The following PACS1 variants were observed in gnomAD, a reference collection of about 807,000 sequenced individuals.
PACS1 encodes the protein PACS-1.
In PACS1, 24 loss-of-function variants were observed where a neutral mutation model predicts 115.0. That is an observed-to-expected ratio of 0.21 (90% CI 0.15 to 0.29). The LOEUF is 0.29. PACS1 is among the 10% of genes least tolerant of loss of function. The pLI is 1.00. For missense variants in PACS1, 838 were observed against 1,251.2 expected (o/e 0.67, Z 4.98); for synonymous variants, 453 against 504.5 (o/e 0.90, Z 1.37).
intron 1 of PACS1, among the ~76,000 whole-genome samples, chr11:66,117,201 C>T (rs1260383230): frequency 6.6e-6 from 1 of 152,128 alleles, no homozygotes; most frequent in Non-Finnish European, 1.5e-5. Flanking sequence ...TGGTTCACAC[C>T]TGTAATCCCA....
intron 1 of PACS1, among the ~76,000 whole-genome samples, chr11:66,096,529 G>T: frequency 1.4e-5 from 2 of 145,862 alleles, no homozygotes; most frequent in Non-Finnish European, 1.5e-5. Context: ...TGAGACGGGA[G>T]TTTCACTCTT....
At chr11:66,129,455 ATAT>A (rs71455707) in intron 1 of PACS1, among the ~76,000 whole-genome samples, 30,386 of 140,140 alleles carry the variant, frequency 0.22, 3,404 homozygotes, top group Middle Eastern at 0.28. Flanking sequence ...GGTTTAAAAA[ATAT>A]TATTATTATT....
chr11:66,226,879 G>A (rs565667732), intron 10 of PACS1, among the ~76,000 whole-genome samples: 1 of 152,258 alleles, frequency 6.6e-6, no homozygotes, highest in South Asian at 2.1e-4. Flanking sequence ...TAACAAATAC[G>A]AAAATCTGGT....
intron 1 of PACS1, among the ~76,000 whole-genome samples, chr11:66,107,197 G>C (rs1858067080): frequency 6.6e-6 from 1 of 152,126 alleles, no homozygotes. Flanking sequence ...TCACTCCCTT[G>C]CAGCCACGCA....
intron 1 of PACS1, among the ~76,000 whole-genome samples, chr11:66,151,340 G>A (rs1859233220): frequency 6.6e-6 from 1 of 151,944 alleles, no homozygotes; most frequent in South Asian, 2.1e-4. Context: ...TACTGGCTTG[G>A]GGTTCAGAGG....
chr11:66,191,448 G>C (rs1179376499), intron 1 of PACS1, among the ~76,000 whole-genome samples: 1 of 152,116 alleles, frequency 6.6e-6, no homozygotes, highest in Admixed American at 6.6e-5. Flanking sequence ...CTGGGTATTT[G>C]GTCCACCACA....
At chr11:66,210,215 G>A (rs570474051) in intron 2 of PACS1, 147 bp from the exon 3 acceptor site, 5 of 581,550 alleles carry the variant, frequency 8.6e-6, no homozygotes, top group African/African-American at 3.8e-5. Context: ...TTTATTTTTT[G>A]TAGAAACAGG....
chr11:66,080,630 G>A (rs199975089), intron 1 of PACS1, among the ~76,000 whole-genome samples: 4 of 152,142 alleles, frequency 2.6e-5, no homozygotes, highest in South Asian at 4.1e-4. Context: ...AAAAGTGGGC[G>A]GGGCTGGAAT....
intron 9 of PACS1, 109 bp downstream of exon 9, chr11:66,220,900 A>T: frequency 8.0e-7 from 1 of 1,246,008 alleles, no homozygotes; most frequent in Admixed American, 2.3e-5. Flanking sequence ...TTGGTCCTTC[A>T]TCCTTTCTGA....
chr11:66,175,652 T>C (rs1322758290), intron 1 of PACS1, among the ~76,000 whole-genome samples: 2 of 152,158 alleles, frequency 1.3e-5, no homozygotes, highest in Non-Finnish European at 2.9e-5. Context: ...GGACATGGAG[T>C]GTGCTTATCG....
chr11:66,217,858 A>G, intron 7 of PACS1: 1 of 282,954 alleles, frequency 3.5e-6, no homozygotes, highest in Non-Finnish European at 7.0e-6. Context: ...CTCTGTAACC[A>G]GAAAGCGGCC....
intron 1 of PACS1, among the ~76,000 whole-genome samples, chr11:66,184,586 A>T (rs1229316103): frequency 6.6e-6 from 1 of 152,226 alleles, no homozygotes; most frequent in Non-Finnish European, 1.5e-5. Context: ...TTATTCTTTC[A>T]GACTTAGTCT....
chr11:66,120,724 T>C (rs1565114394), intron 1 of PACS1, among the ~76,000 whole-genome samples: 1 of 152,186 alleles, frequency 6.6e-6, no homozygotes, highest in African/African-American at 2.4e-5. Flanking sequence ...GCTGTGAAGA[T>C]TAAATGAAAT....
chr11:66,131,788 G>C (rs140716328), intron 1 of PACS1, among the ~76,000 whole-genome samples: 1 of 151,956 alleles, frequency 6.6e-6, no homozygotes, highest in African/African-American at 2.4e-5. Flanking sequence ...GCATTATCCT[G>C]TATTTTCTTC....
At chr11:66,090,238 C>CTTTCT (rs1857636712) in intron 1 of PACS1, among the ~76,000 whole-genome samples, 1 of 138,274 alleles carries the variant, frequency 7.2e-6, no homozygotes, top group Non-Finnish European at 1.6e-5. Flanking sequence ...TTCTTCTTTT[C>CTTTCT]TTTCTCTTCT....
intron 1 of PACS1, among the ~76,000 whole-genome samples, chr11:66,152,612 CAGAT>C (rs1205400320): frequency 2.0e-5 from 3 of 152,152 alleles, no homozygotes; most frequent in Non-Finnish European, 4.4e-5. Context: ...ATCTTAAAAG[CAGAT>C]AGAGATCCTT....
Position 66,236,541 on chromosome 11 carries a change from A to T in PACS1, c.2250+601A>T, listed in dbSNP as rs929622443. On this transcript the variant is annotated intron_variant, in intron 19 of 23. Coordinates refer to ENST00000320580, the MANE Select transcript of PACS1 (RefSeq NM_018026.4). This position sits in a 1 kb window ranked among gnomAD's most constrained non-coding sequence, Gnocchi z 4.2. ...AATCTCTATACTAGTAAACTTTGAA[A>T]GTCAAGGAAGAACCCCGTGGATGTC... 3.3e-5 allele frequency among the ~76,000 whole-genome samples: 5 copies of T among 150,714 alleles called. No individual in the cohort carries two copies. Among genetic ancestry groups the T allele is most frequent in the African/African-American group, 1.2e-4 (5 of 41,340 alleles).
intron 2 of PACS1, among the ~76,000 whole-genome samples, chr11:66,195,313 C>T (rs1854624829): frequency 6.6e-6 from 1 of 152,170 alleles, no homozygotes; most frequent in Non-Finnish European, 1.5e-5. Flanking sequence ...TGCATAATTC[C>T]TTCCAAATCT....
At chr11:66,220,464 C>A in intron 8 of PACS1, 167 bp from the exon 9 acceptor site, 1 of 653,114 alleles carries the variant, frequency 1.5e-6, no homozygotes, top group Non-Finnish European at 2.6e-6. Context: ...TGTCCCCGCC[C>A]TCAGGCTGGA....
Sources: allele counts gnomAD v4.1 joint callset (sites outside exome capture counted in the v4.1 genomes callset), GRCh38; gene constraint gnomAD v4.1.1; non-coding constraint Gnocchi (gnomAD v3.1); transcripts MANE v1.5; gene names NCBI Gene and HGNC (gene_info 2026-07-23, HGNC 2026-07-21).